The following NKAIN2 variants were observed in gnomAD, a reference collection of about 807,000 sequenced individuals.
NKAIN2 encodes sodium/potassium transporting ATPase interacting 2, also known as sodium/potassium-transporting ATPase subunit beta-1-interacting protein 2.
In NKAIN2, 14 loss-of-function variants were observed where a neutral mutation model predicts 32.6. That is an observed-to-expected ratio of 0.43 (90% confidence interval 0.28 to 0.67). The LOEUF is 0.67. Ranked by LOEUF, NKAIN2 falls within the 30% of genes least tolerant of loss-of-function variation. The probability of loss-of-function intolerance (pLI) is 0.17; values close to 1 mark genes in which losing one functional copy is unlikely to be tolerated. For synonymous variants in NKAIN2, 80 were observed against 87.2 expected (o/e 0.92, Z 0.46); for missense variants, 198 against 258.3 (o/e 0.77, Z 1.60).
intron 3 of NKAIN2, among the ~76,000 whole-genome samples, chr6:124,511,076 T>C (rs924769991): frequency 6.6e-6 from 1 of 152,156 alleles, no homozygotes; most frequent in Admixed American, 6.6e-5. Flanking sequence ...TAGTTTCAAA[T>C]GAGTCACAAC....
chr6:124,220,494 T>C (rs1243439603), intron 1 of NKAIN2, among the ~76,000 whole-genome samples: 1 of 151,156 alleles, frequency 6.6e-6, no homozygotes, highest in African/African-American at 2.4e-5. Context: ...ATTTATAAAG[T>C]TGTACTAAGA....
rs1773797306 is a variant in NKAIN2 at position 123,818,611 on chromosome 6, T to C, written c.54+14357T>C. 2.0e-5 allele frequency among the ~76,000 whole-genome samples: 3 copies of C among 152,186 alleles called. No individual in the cohort carries two copies. The South Asian group carries it at 6.2e-4, about 31-fold the overall frequency. Reference sequence around the variant, plus strand: ...GCTGTATAATTTTGCTTGATCCAATTTGATTTCCTTCGGTAACACTTTTTG... The same window carrying C: ...GCTGTATAATTTTGCTTGATCCAATCTGATTTCCTTCGGTAACACTTTTTG... On this transcript the variant is annotated intron_variant, in intron 1 of 6. Transcript: ENST00000368417.
chr6:124,408,690 G>T (rs1773993265), intron 3 of NKAIN2, among the ~76,000 whole-genome samples: 2 of 150,978 alleles, frequency 1.3e-5, no homozygotes, highest in Admixed American at 6.6e-5. Context: ...GCTCTTTTTT[G>T]GTTCCATATG....
chr6:124,227,087 C>A (rs1264113014), intron 1 of NKAIN2, among the ~76,000 whole-genome samples: 967 of 127,656 alleles, frequency 7.6e-3, no homozygotes, highest in Non-Finnish European at 9.8e-3. Flanking sequence ...CTCTTGGAGG[C>A]AAAAAAAAAA....
intron 4 of NKAIN2, among the ~76,000 whole-genome samples, chr6:124,675,710 CTGATTT>C (rs1235584890): frequency 6.6e-6 from 1 of 151,730 alleles, no homozygotes; most frequent in Non-Finnish European, 1.5e-5. Context: ...ATTTTCGTTT[CTGATTT>C]TGAGTCTTCT....
intron 3 of NKAIN2, among the ~76,000 whole-genome samples, chr6:124,568,223 T>C (rs1194181882): frequency 1.3e-5 from 2 of 152,186 alleles, no homozygotes; most frequent in African/African-American, 4.8e-5. Context: ...AGTATGAACA[T>C]AGTGAATAGT....
intron 1 of NKAIN2, among the ~76,000 whole-genome samples, chr6:124,191,327 CT>C (rs201287736): frequency 1.3e-5 from 2 of 151,446 alleles, no homozygotes; most frequent in African/African-American, 4.8e-5. Context: ...TCTTGCACAT[CT>C]TTTTTTTGTT....
intron 2 of NKAIN2, among the ~76,000 whole-genome samples, chr6:124,304,585 G>A (rs1214286079): frequency 6.6e-6 from 1 of 152,164 alleles, no homozygotes; most frequent in East Asian, 1.9e-4. Context: ...GTGGTCAATA[G>A]TAGATCAACT....
At chr6:124,086,823 A>C (rs2114919141) in intron 1 of NKAIN2, among the ~76,000 whole-genome samples, 1 of 152,044 alleles carries the variant, frequency 6.6e-6, no homozygotes, top group Non-Finnish European at 1.5e-5. Flanking sequence ...CCAGGCCATG[A>C]TGGGTGGTTT....
intron 1 of NKAIN2, among the ~76,000 whole-genome samples, chr6:123,980,845 G>A (rs1414662033): frequency 2.0e-5 from 3 of 151,880 alleles, no homozygotes; most frequent in African/African-American, 7.3e-5. Context: ...GGGATTAAGT[G>A]GGGGTGTTCT....
At chr6:123,845,756 G>T (rs913464886) in intron 1 of NKAIN2, among the ~76,000 whole-genome samples, 1 of 152,174 alleles carries the variant, frequency 6.6e-6, no homozygotes, top group Non-Finnish European at 1.5e-5. Context: ...ATCCCCCACG[G>T]ATACTGAGTA....
At chr6:124,048,493 G>T (rs1427651827) in intron 1 of NKAIN2, among the ~76,000 whole-genome samples, 1 of 151,954 alleles carries the variant, frequency 6.6e-6, no homozygotes, top group Admixed American at 6.6e-5. Context: ...GAATAAGAAA[G>T]ATTTAACTAT....
chr6:124,175,409 C>T (rs1789105835), intron 1 of NKAIN2, among the ~76,000 whole-genome samples: 2 of 152,170 alleles, frequency 1.3e-5, no homozygotes, highest in African/African-American at 2.4e-5. Flanking sequence ...AAAAGATTTG[C>T]CTGCTTCACT....
chr6:124,100,379 T>C (rs1050422915), intron 1 of NKAIN2, among the ~76,000 whole-genome samples: 2 of 152,234 alleles, frequency 1.3e-5, no homozygotes, highest in African/African-American at 2.4e-5. Flanking sequence ...TACACAGATA[T>C]GATTTTTCTT....
intron 1 of NKAIN2, among the ~76,000 whole-genome samples, chr6:124,149,175 A>G (rs1787574162): frequency 6.6e-6 from 1 of 152,062 alleles, no homozygotes; most frequent in Admixed American, 6.6e-5. Context: ...TCATTATTGA[A>G]TTGTAAGGGT....
chr6:124,421,245 T>C lies in NKAIN2; in HGVS notation c.273+65898T>C, dbSNP rs1228856617. Among the ~76,000 whole-genome samples the C allele has an allele frequency of 2.0e-5, 3 of 152,094 alleles. No homozygotes were observed. The East Asian group carries it at 5.8e-4, about 29-fold the overall frequency. ...TCATGGGGACCCTCACTGTAACTGG[T>C]AACCAAAATCATGACCAAAAGAATA... On this transcript the variant is annotated intron_variant, in intron 3 of 6. Transcript: ENST00000368417.
At chr6:123,923,654 A>T (rs561388694) in intron 1 of NKAIN2, among the ~76,000 whole-genome samples, 9 of 151,768 alleles carry the variant, frequency 5.9e-5, no homozygotes, top group Middle Eastern at 3.4e-3. Context: ...ACATGGATGA[A>T]ATTGGAAACC....
At chr6:124,623,673 G>A (rs1277753710) in intron 3 of NKAIN2, among the ~76,000 whole-genome samples, 1 of 152,130 alleles carries the variant, frequency 6.6e-6, no homozygotes, top group Non-Finnish European at 1.5e-5. Flanking sequence ...AGTCTAAGGA[G>A]GTGTGTTAAA....
At chr6:124,296,787 G>T (rs1796072567) in intron 2 of NKAIN2, among the ~76,000 whole-genome samples, 1 of 152,186 alleles carries the variant, frequency 6.6e-6, no homozygotes, top group Non-Finnish European at 1.5e-5. Flanking sequence ...CAAGGAAATA[G>T]GAATTGTTTA....
Sources: allele counts gnomAD v4.1 joint callset (sites outside exome capture counted in the v4.1 genomes callset), GRCh38; gene constraint gnomAD v4.1.1; transcripts MANE v1.5; gene names NCBI Gene and HGNC (gene_info 2026-07-23, HGNC 2026-07-21).